Variants in RELL1 observed in about 807,000 individuals in gnomAD.
The protein encoded by RELL1 is RELT-like protein 1.
RELL1 carries 10 observed loss-of-function variants against 23.0 expected under a neutral mutation model. The ratio of observed to expected loss-of-function variants is 0.43; its 90% CI spans 0.27 to 0.74. The LOEUF (loss-of-function observed/expected upper bound fraction) is 0.74, where lower values mean the gene tolerates loss of function less well. RELL1 is among the 30% of genes least tolerant of loss of function. The probability of loss-of-function intolerance (pLI) is 0.19; values close to 1 mark genes in which losing one functional copy is unlikely to be tolerated. For missense variants in RELL1, 315 were observed against 364.4 expected (o/e 0.86, Z 1.10); for synonymous variants, 146 against 146.8 (o/e 0.99, Z 0.04).
At chr4:37,654,837 T>A (rs17605536) in intron 1 of RELL1, among the ~76,000 whole-genome samples, 1 of 152,228 alleles carries the variant, frequency 6.6e-6, no homozygotes, top group East Asian at 1.9e-4. Context: ...ATTCAAAACC[T>A]TACATGCAAT....
At chr4:37,636,786 G>C (rs1420535192) in intron 4 of RELL1, among the ~76,000 whole-genome samples, 1 of 152,130 alleles carries the variant, frequency 6.6e-6, no homozygotes, top group African/African-American at 2.4e-5. Flanking sequence ...CACCTGGACT[G>C]TGGCAAGAGC....
At chr4:37,594,205 G>C (rs949482051) in intron 6 of RELL1, among the ~76,000 whole-genome samples, 1 of 152,198 alleles carries the variant, frequency 6.6e-6, no homozygotes, top group African/African-American at 2.4e-5. Flanking sequence ...AAAATCTTTA[G>C]GTTGAAAAGT....
intron 1 of RELL1, among the ~76,000 whole-genome samples, chr4:37,668,293 G>C (rs373648112): frequency 1.4e-5 from 2 of 144,590 alleles, no homozygotes; most frequent in African/African-American, 2.6e-5. Flanking sequence ...CTGCTGCCAT[G>C]TCGGCTCACT....
At chr4:37,600,958 C>A (rs1038062508) in intron 6 of RELL1, among the ~76,000 whole-genome samples, 5 of 152,166 alleles carry the variant, frequency 3.3e-5, no homozygotes, top group African/African-American at 1.2e-4. Context: ...AATTGAGTTA[C>A]TTTTAAACTC....
chr4:37,594,096 C>T (rs1298598011), intron 6 of RELL1, among the ~76,000 whole-genome samples: 1 of 152,116 alleles, frequency 6.6e-6, no homozygotes, highest in Non-Finnish European at 1.5e-5. Flanking sequence ...TTGAAAAGGT[C>T]GACAGATGGC....
chr4:37,634,264 A>G (rs1016405174), intron 5 of RELL1, among the ~76,000 whole-genome samples: 2 of 152,274 alleles, frequency 1.3e-5, no homozygotes, highest in African/African-American at 2.4e-5. Context: ...AGTCAAAGCA[A>G]TTCACATGGA....
intron 1 of RELL1, among the ~76,000 whole-genome samples, chr4:37,681,800 T>C (rs1280010112): frequency 6.6e-6 from 1 of 151,824 alleles, no homozygotes; most frequent in Non-Finnish European, 1.5e-5. Flanking sequence ...GTGCTGCGAT[T>C]ACAGGCGTGA....
chr4:37,588,694 C>A (rs543256945), downstream of RELL1: 11 of 577,994 alleles, frequency 1.9e-5, no homozygotes, highest in Non-Finnish European at 3.4e-5. Flanking sequence ...TGGTAACCAG[C>A]ACCCTCTCTG....
intron 3 of RELL1, among the ~76,000 whole-genome samples, chr4:37,644,002 T>C (rs1720610532): frequency 6.6e-6 from 1 of 151,958 alleles, no homozygotes; most frequent in South Asian, 2.1e-4. Flanking sequence ...GATGAAGGCA[T>C]GGACAGGAGA....
rs1205119200 is a variant in RELL1 at position 37,649,319 on chromosome 4, T to A, written c.270A>T (p.Thr90=). The A allele has an allele frequency of 6.2e-7, 1 of 1,614,264 alleles. No homozygotes were observed. The highest frequency in any genetic ancestry group is 8.5e-7 in the Non-Finnish European group (1 of 1,180,048). Residue 90 remains threonine, a synonymous_variant, in exon 2 of 7, where the codon ACA becomes ACT. Coordinates refer to ENST00000454158, the MANE Select transcript of RELL1 (RefSeq NM_001085400.2). ...CCTCTTCGATATCTTGCTCTGCTTC[T>A]GTTGTACAACGATAGCCTTTCTTCT... The part of the protein sequence containing the change: ...LLKKKGYRCT[T]EAEQDIEEEK...
At chr4:37,607,810 G>A (rs1189599641), downstream of RELL1, among the ~76,000 whole-genome samples, 5 of 151,834 alleles carry the variant, frequency 3.3e-5, no homozygotes, top group South Asian at 6.2e-4. Flanking sequence ...GGATGGTCTC[G>A]GTCTCCTGAC....
At chr4:37,630,913 T>C (rs1720107418) in intron 6 of RELL1, among the ~76,000 whole-genome samples, 1 of 151,980 alleles carries the variant, frequency 6.6e-6, no homozygotes, top group South Asian at 2.1e-4. Flanking sequence ...GTGACAAGAT[T>C]ACAAGTCATT....
downstream of RELL1, among the ~76,000 whole-genome samples, chr4:37,605,887 AAG>A (rs200645888): frequency 0.026 from 3,605 of 139,552 alleles, 76 homozygotes; most frequent in Non-Finnish European, 0.04. Context: ...GAAGGAAAGA[AAG>A]AGAAAGAAAG....
intron 6 of RELL1, among the ~76,000 whole-genome samples, chr4:37,619,722 A>C (rs1451472042): frequency 6.6e-6 from 1 of 152,052 alleles, no homozygotes. Context: ...TGTATGCCAC[A>C]TGCCCAGCTA....
At chr4:37,640,116 A>C (rs980558149) in intron 3 of RELL1, among the ~76,000 whole-genome samples, 1 of 152,196 alleles carries the variant, frequency 6.6e-6, no homozygotes, top group Non-Finnish European at 1.5e-5. Flanking sequence ...TAGGGGACAC[A>C]TTGCCCCATT....
In RELL1 at chr4:37,661,624, TAAAAG is replaced by T. The variant is rs1721360564; in HGVS notation, c.89-12129_89-12125del. Reference sequence around the variant, plus strand: ...AGTTTAAATCAATTGCCCACAATAATAAAAGAAGAGAAACCAAAGCAAATTCTACA... The same window carrying T: ...AGTTTAAATCAATTGCCCACAATAATAAGAGAAACCAAAGCAAATTCTACA... On this transcript the variant is annotated intron_variant, in intron 1 of 6. Coordinates refer to ENST00000454158, the MANE Select transcript of RELL1 (RefSeq NM_001085400.2). 2.0e-5 allele frequency among the ~76,000 whole-genome samples: 3 copies of T among 152,134 alleles called. No individual in the cohort carries two copies. In the South Asian group the frequency reaches 6.2e-4, roughly 32 times the overall value.
At chr4:37,669,067 C>T (rs1356235640) in intron 1 of RELL1, among the ~76,000 whole-genome samples, 1 of 134,858 alleles carries the variant, frequency 7.4e-6, no homozygotes, top group Admixed American at 7.0e-5. Context: ...GGGGGTCAGC[C>T]CCCCGCCTGG....
At position 37,611,389 on chromosome 4, in the gene RELL1, AGTT is replaced by A. The variant is rs925715802; in HGVS notation, c.*1954_*1956del. Among the ~76,000 whole-genome samples the A allele has an allele frequency of 1.6e-4, 24 of 152,318 alleles. No individual in the cohort carries two copies. Among genetic ancestry groups the A allele is most frequent in the African/African-American group, 4.8e-4 (20 of 41,586 alleles). Reference sequence around the variant, plus strand: ...AATATGTACACATACAGTGTTTATTAGTTGTCAGTAAAAATTCTCATGAAACTA... The same window carrying A: ...AATATGTACACATACAGTGTTTATTAGTCAGTAAAAATTCTCATGAAACTA... On this transcript the variant is annotated 3_prime_UTR_variant, in exon 7 of 7. Coordinates refer to ENST00000454158, the MANE Select transcript of RELL1 (RefSeq NM_001085400.2).
intron 1 of RELL1, among the ~76,000 whole-genome samples, chr4:37,667,542 T>A (rs1721578973): frequency 6.7e-6 from 1 of 148,718 alleles, no homozygotes; most frequent in Non-Finnish European, 1.5e-5. Flanking sequence ...AATGGGATTC[T>A]CCATAGCTCA....
Sources: allele counts gnomAD v4.1 joint callset (sites outside exome capture counted in the v4.1 genomes callset), GRCh38; gene constraint gnomAD v4.1.1; transcripts MANE v1.5; gene names NCBI Gene and HGNC (gene_info 2026-07-23, HGNC 2026-07-21).